Variants in IRAK1 observed in about 807,000 individuals in gnomAD.
The protein encoded by IRAK1 is interleukin-1 receptor-associated kinase 1.
In IRAK1, 9 loss-of-function variants were observed where a neutral mutation model predicts 49.8. That is an observed-to-expected ratio of 0.18 (90% CI 0.11 to 0.32). IRAK1 has a LOEUF of 0.32. IRAK1 is among the 10% of genes least tolerant of loss of function. The probability of loss-of-function intolerance (pLI) is 1.00; values close to 1 mark genes in which losing one functional copy is unlikely to be tolerated. For synonymous variants in IRAK1, 282 were observed against 270.8 expected, an observed-to-expected ratio of 1.04 and a Z score of -0.41; for missense variants, 418 against 600.5, an observed-to-expected ratio of 0.70 and a Z score of 3.18.
At chrX:154,014,019 C>T (rs782167094) in intron 11 of IRAK1, 23 bp downstream of exon 11, 9 of 1,192,656 alleles carry the variant, frequency 7.5e-6, no homozygotes, top group East Asian at 6.0e-5. Flanking sequence ...CTGGCCACCC[C>T]GTCCCAGTGC....
In IRAK1 at chrX:154,019,240, G is replaced by A. The variant is rs1557130703; in HGVS notation, c.393C>T (p.Ser131=). Residue 131 remains serine (S), a synonymous_variant, in exon 3 of 14, where the codon AGC becomes AGT. Transcript: ENST00000369980. ...IPAPAEAEAW[S]PRKLPSSAST... The stretch of plus-strand genomic sequence containing the variant: ...AGGCTGAGGATGGCAACTTCCGGGG[G>A]CTCCAGGCCTCGGCCTCGGCGGGTG... 8.3e-7 allele frequency: 1 copy of A among 1,208,939 alleles called. No individual in the cohort carries two copies. The highest frequency in any genetic ancestry group is 1.7e-5 in the African/African-American group (1 of 57,754).
In IRAK1 at chrX:154,019,528, G is replaced by A. The variant is rs782430935; in HGVS notation, c.207C>T (p.Val69=). 36 of 1,181,109 alleles carry A rather than the reference G, an allele frequency of 3.0e-5. No individual in the cohort carries two copies. The highest frequency in any genetic ancestry group is 3.6e-5 in the Non-Finnish European group (32 of 886,539). The change falls in exon 2 of 14, where the codon GTC becomes GTT. Residue 69 remains valine, a synonymous_variant. Transcript: ENST00000369980. The part of the protein sequence containing the change: ...CERSGQRTAS[V]LWPWINRNAR... ...CGTTGCGGTTGATCCAGGGCCACAG[G>A]ACGCTGGCCGTGCGCTGCCCGGAGC...
intron 10 of IRAK1, 81 bp from the exon 11 acceptor site, chrX:154,014,359 T>A: frequency 1.2e-6 from 1 of 800,510 alleles, no homozygotes. Flanking sequence ...CACTCAATCG[T>A]ATGGGTTTTG....
At chrX:154,016,669 C>T (rs1284284467) in intron 8 of IRAK1, 25 bp from the exon 9 acceptor site, 4 of 1,140,237 alleles carry the variant, frequency 3.5e-6, no homozygotes, top group Non-Finnish European at 4.8e-6. Context: ...ACAGTGGCGT[C>T]AGCCCGGTCC....
rs1266802069 is a variant in IRAK1, at chrX:154,013,555, C to T, written c.1540-122G>A. 6.0e-6 allele frequency: 4 copies of T among 661,823 alleles called. No homozygotes were observed. In the African/African-American group the frequency reaches 8.9e-5, roughly 15 times the overall value. 54.5% of individuals were successfully genotyped at this position (661,823 alleles called of 1,213,427 possible). ...TGCCCCAGGGCTCTAAAATGACATACCCTGCAGCTGGGAACGCTCTGCCCC... is the reference window on the plus strand; with the variant it reads ...TGCCCCAGGGCTCTAAAATGACATATCCTGCAGCTGGGAACGCTCTGCCCC... On this transcript the variant is annotated intron_variant, in intron 11 of 13. Coordinates refer to ENST00000369980, the MANE Select transcript of IRAK1 (RefSeq NM_001569.4).
intron 7 of IRAK1, 58 bp from the exon 8 acceptor site, chrX:154,017,125 CA>C (rs2065744989): frequency 1.4e-6 from 1 of 727,248 alleles, no homozygotes. Flanking sequence ...TGATCCCAAC[CA>C]TCCTTCTACC....
intron 10 of IRAK1, 91 bp from the exon 11 acceptor site, chrX:154,014,369 GATAAA>G (rs2148639370): frequency 1.1e-4 from 40 of 350,794 alleles, no homozygotes; most frequent in South Asian, 1.4e-4. Context: ...TATGGGTTTT[GATAAA>G]AAAAAAAAAA....
Position 154,019,335 on chromosome X carries a change from C to T in IRAK1, c.305-7G>A, listed in dbSNP as rs782075221. On this transcript the variant is annotated splice_polypyrimidine_tract_variant and splice_region_variant and intron_variant, in intron 2 of 13. Transcript: ENST00000369980. The stretch of plus-strand genomic sequence containing the variant: ...AGCGGGGCGGGAGGGTGCCCTGGGA[C>T]GCCAAGGAAGGAAAGGAAGGTTGAG... 2 of 1,155,064 alleles carry T rather than the reference C, an allele frequency of 1.7e-6. No homozygotes were observed. Among genetic ancestry groups the T allele is most frequent in the South Asian group, 4.1e-5 (2 of 49,189 alleles).
chrX:154,019,387 C>T, intron 2 of IRAK1, 44 bp downstream of exon 2: 1 of 1,120,794 alleles, frequency 8.9e-7, no homozygotes, highest in Middle Eastern at 2.5e-4. Context: ...CCCGTGGGGC[C>T]CGCCGGCCTC....
chrX:154,013,677 A>T (rs1557128264), intron 11 of IRAK1, among the ~76,000 whole-genome samples: 1 of 112,888 alleles, frequency 8.9e-6, no homozygotes. Flanking sequence ...AATGAATCTC[A>T]CTGCCCCGCT....
intron 8 of IRAK1, 88 bp from the exon 9 acceptor site, chrX:154,016,732 C>T (rs782142969): frequency 9.6e-5 from 80 of 829,622 alleles, no homozygotes; most frequent in Non-Finnish European, 1.2e-4. Context: ...GCTGCCAGCC[C>T]GGTGCCTTGC....
intron 10 of IRAK1, 91 bp from the exon 11 acceptor site, chrX:154,014,369 GA>G: frequency 2.9e-6 from 1 of 350,863 alleles, no homozygotes; most frequent in Non-Finnish European, 4.0e-6. Context: ...TATGGGTTTT[GA>G]TAAAAAAAAA....
chrX:154,016,894 G>A lies in IRAK1; in HGVS notation c.1028+55C>T, dbSNP rs192466964. ...CCTGATCCCCACATTGATAGGACGC[G>A]GGGCCCCCCTTGCTGCAGGCCCTGC... On this transcript the variant is annotated intron_variant, in intron 8 of 13. Coordinates refer to ENST00000369980, the MANE Select transcript of IRAK1 (RefSeq NM_001569.4). 1.6e-5 allele frequency: 15 copies of A among 930,305 alleles called. 1 individual carries two copies. Among genetic ancestry groups the A allele is most frequent in the African/African-American group, 1.3e-4 (7 of 52,250 alleles). The allele number at this position is 930,305 out of a possible 1,213,427, so 76.7% of individuals were successfully genotyped here.
intron 11 of IRAK1, 54 bp downstream of exon 11, chrX:154,013,988 C>T (rs1603303823): frequency 8.5e-7 from 1 of 1,173,390 alleles, no homozygotes; most frequent in East Asian, 3.1e-5. Context: ...CAGAGCAAGG[C>T]CTGGAATGCG....
rs1451487402 is a variant in IRAK1 at position 154,017,795 on chromosome X, C to CAAAAAA, written c.909+205_909+210dup. 1.1e-4 allele frequency among the ~76,000 whole-genome samples: 3 copies of CAAAAAA among 26,177 alleles called. 1 individual carries two copies. Among genetic ancestry groups the CAAAAAA allele is most frequent in the African/African-American group, 3.7e-4 (2 of 5,448 alleles). 22.7% of individuals were successfully genotyped at this position (26,177 alleles called of 115,157 possible). A position where few individuals can be genotyped will look rare whatever the true frequency, so the allele number is the denominator to read the frequency against. On this transcript the variant is annotated intron_variant, in intron 7 of 13. Transcript: ENST00000369980. ...TGGATGACAGAGCAAGACTCCACCT[C>CAAAAAA]AAAAAAAAAAAAAAAAAAAAAAAAA... is the stretch of plus-strand genomic sequence containing the variant.
Position 154,018,772 on chromosome X carries a change from A to C in IRAK1, c.556T>G (p.Ser186Ala), listed in dbSNP as rs1178924577. 9 of 854,853 alleles carry C rather than the reference A, an allele frequency of 1.1e-5. No homozygotes were observed. Among genetic ancestry groups the C allele is most frequent in the Non-Finnish European group, 1.4e-5 (8 of 572,470 alleles). 70.4% of individuals were successfully genotyped at this position (854,853 alleles called of 1,213,427 possible). ...CGGGCTCCCTGCAGGAGGGACACTG[A>C]GCTCTCTGGGCCTGGCTGTGGGAAG... ...PSSTKPGPES[S>A]VSLLQGARPF... The change falls in exon 5 of 14, where the codon TCA becomes GCA. Residue 186 changes from serine (S) to alanine (A), a missense_variant. By Grantham distance (99) the Ser-to-Ala change is moderately conservative (BLOSUM62 1). Transcript: ENST00000369980.
chrX:154,014,247 GCCT>G lies in IRAK1; in HGVS notation c.1331_1333del (p.Glu444del). On this transcript the variant is annotated inframe_deletion, in exon 11 of 14. Coordinates refer to ENST00000369980, the MANE Select transcript of IRAK1 (RefSeq NM_001569.4). ...CTGGGTGCTTCTCAAAGCCACTCCA[GCCT>G]CCTCAGCCTCCTCTTCCACCAGGTC... 1 of 1,206,432 alleles carries G rather than the reference GCCT, an allele frequency of 8.3e-7. No homozygotes were observed. Among genetic ancestry groups the G allele is most frequent in the Non-Finnish European group, 1.1e-6 (1 of 893,599 alleles).
rs1569547603 is a variant in IRAK1 at position 154,011,132 on chromosome X, T to G, written c.*727A>C. ...CAGGGTCTTGCTCTGTCACCCAGGC[T>G]GGAGTGCAGTCATACAATCATGACT... On this transcript the variant is annotated 3_prime_UTR_variant, in exon 14 of 14. Coordinates refer to ENST00000369980, the MANE Select transcript of IRAK1 (RefSeq NM_001569.4). 3.0e-6 allele frequency: 1 copy of G among 337,763 alleles called. No homozygotes were observed. The highest frequency in any genetic ancestry group is 2.6e-5 in the South Asian group (1 of 38,509). The allele number at this position is 337,763 out of a possible 1,213,427, so 27.8% of individuals were successfully genotyped here.
chrX:154,015,462 T>G (rs1275819072), intron 10 of IRAK1, among the ~76,000 whole-genome samples: 2 of 112,754 alleles, frequency 1.8e-5, no homozygotes, highest in Non-Finnish European at 3.8e-5. Flanking sequence ...AAGCAATTAC[T>G]GGCTGAGCAC....
Sources: allele counts gnomAD v4.1 joint callset (sites outside exome capture counted in the v4.1 genomes callset), GRCh38; gene constraint gnomAD v4.1.1; transcripts MANE v1.5; gene names NCBI Gene and HGNC (gene_info 2026-07-23, HGNC 2026-07-21).